PALB2: variants seen among roughly 807,000 people sequenced by gnomAD.
The protein encoded by PALB2 is mutant partner and localizer of BRCA2.
A neutral mutation model predicts 107.4 loss-of-function variants in PALB2; 82 were observed. That is an observed-to-expected ratio of 0.76 (90% CI 0.64 to 0.92). The LOEUF (loss-of-function observed/expected upper bound fraction) is 0.92, where lower values mean the gene tolerates loss of function less well. Ranked by LOEUF, PALB2 falls within the 40% of genes least tolerant of loss-of-function variation. The probability of loss-of-function intolerance (pLI) is 0.00; values close to 1 mark genes in which losing one functional copy is unlikely to be tolerated. For missense variants in PALB2, 1,374 were observed against 1,379.9 expected, an observed-to-expected ratio of 1.00 and a Z score of 0.07; for synonymous variants, 489 against 496.8, an observed-to-expected ratio of 0.98 and a Z score of 0.21.
chr16:23,632,973 A>C (rs1966897884), intron 4 of PALB2, among the ~76,000 whole-genome samples: 1 of 152,160 alleles, frequency 6.6e-6, no homozygotes, highest in African/African-American at 2.4e-5. Flanking sequence ...GGGCACCTGT[A>C]ATCTCAGCTA....
At chr16:23,622,888 C>G (rs1966796535) in intron 9 of PALB2, 81 bp downstream of exon 9, 1 of 1,537,740 alleles carries the variant, frequency 6.5e-7, no homozygotes, top group African/African-American at 1.4e-5. Context: ...AAACGAGATC[C>G]TAGTTACCCA....
chr16:23,622,418 T>C (rs1017313787), intron 9 of PALB2, among the ~76,000 whole-genome samples: 6 of 152,068 alleles, frequency 3.9e-5, no homozygotes, highest in African/African-American at 1.4e-4. Context: ...TGTTTAAGAT[T>C]AGGTCTCGCT....
intron 11 of PALB2, among the ~76,000 whole-genome samples, chr16:23,608,887 G>A (rs1864411065): frequency 6.6e-6 from 1 of 151,024 alleles, no homozygotes; most frequent in Non-Finnish European, 1.5e-5. Context: ...GAGTGCAATG[G>A]TGCGATCTCA....
intron 1 of PALB2, chr16:23,640,711 G>A (rs1269770181): frequency 1.1e-5 from 3 of 262,196 alleles, no homozygotes; most frequent in Non-Finnish European, 2.2e-5. Flanking sequence ...TTCCTTTTTG[G>A]TGGTTAGGGA....
intron 11 of PALB2, among the ~76,000 whole-genome samples, chr16:23,610,022 A>C (rs929272304): frequency 6.6e-6 from 1 of 152,174 alleles, no homozygotes; most frequent in African/African-American, 2.4e-5. Context: ...AATGTTTTTC[A>C]GATTTTGAAA....
chr16:23,608,590 T>C (rs1450792542), intron 11 of PALB2, among the ~76,000 whole-genome samples: 2 of 152,068 alleles, frequency 1.3e-5, no homozygotes, highest in African/African-American at 4.8e-5. Flanking sequence ...TGTTTTCCCA[T>C]AAAAACAATC....
rs537258442 is a variant in PALB2, at chr16:23,635,230, C to A, written c.1316G>T (p.Gly439Val). ...TGCATCCTTATTTTTATTTTTAAAC[C>A]CTTTTTTCTTGACATCCAAATGACT... ...IQSHLDVKKK[G>V]FKNKNKDASK... The change falls in exon 4 of 13, where the codon GGG becomes GTG. Residue 439 changes from glycine (G) to valine (V), a missense_variant. Transcript: ENST00000261584. 1.1e-5 allele frequency: 17 copies of A among 1,614,048 alleles called. No homozygotes were observed. In the African/African-American group the frequency reaches 1.7e-4, roughly 16 times the overall value.
chr16:23,618,137 A>G (rs1254766692), intron 10 of PALB2, among the ~76,000 whole-genome samples: 2 of 151,978 alleles, frequency 1.3e-5, no homozygotes, highest in Non-Finnish European at 1.5e-5. Context: ...CATCTCTACA[A>G]AAAATTTAAA....
intron 10 of PALB2, 139 bp from the exon 11 acceptor site, chr16:23,614,230 A>G: frequency 3.0e-6 from 2 of 656,094 alleles, no homozygotes; most frequent in Non-Finnish European, 5.4e-6. Flanking sequence ...CTTTAGTCAT[A>G]GATTTAGGTA....
At chr16:23,614,994 G>A (rs555949916) in intron 10 of PALB2, among the ~76,000 whole-genome samples, 1 of 134,862 alleles carries the variant, frequency 7.4e-6, no homozygotes, top group African/African-American at 2.8e-5. Context: ...CTGTCACCCA[G>A]GCTGAGTGCA....
At chr16:23,611,078 G>GTCTGTCTATCTATCTATCTA (rs374181299) in intron 11 of PALB2, among the ~76,000 whole-genome samples, 23 of 148,202 alleles carry the variant, frequency 1.6e-4, no homozygotes, top group Non-Finnish European at 2.6e-4. Flanking sequence ...TCAACTGTCA[G>GTCTGTCTATCTATCTATCTA]TCTATCTATC....
At chr16:23,633,309 T>G (rs1187677101) in intron 4 of PALB2, among the ~76,000 whole-genome samples, 1 of 152,180 alleles carries the variant, frequency 6.6e-6, no homozygotes, top group African/African-American at 2.4e-5. Flanking sequence ...TGTTTTTTTG[T>G]TTTAGGAACT....
chr16:23,631,347 T>C (rs1878775969), intron 4 of PALB2, among the ~76,000 whole-genome samples: 1 of 147,450 alleles, frequency 6.8e-6, no homozygotes, highest in Non-Finnish European at 1.5e-5. Flanking sequence ...TGCGTGCCTG[T>C]GATCTCAGCT....
At position 23,635,962 on chromosome 16, in the gene PALB2, A is replaced by C. The variant is rs587782260; in HGVS notation, c.584T>G (p.Ile195Arg). Reference sequence around the variant, plus strand: ...TTTAAGACTTAAAAGGTGAGTTCTTATTTCAGTTACTGGTGATCTAGCAGG... The same window carrying C: ...TTTAAGACTTAAAAGGTGAGTTCTTCTTTCAGTTACTGGTGATCTAGCAGG... ...KNPARSPVTEIRTHLLSLKSE... is the reference protein window; with the variant it reads ...KNPARSPVTERRTHLLSLKSE... The change falls in exon 4 of 13, where the codon ATA becomes AGA. Residue 195 changes from isoleucine to arginine, a missense_variant. Transcript: ENST00000261584. 6.2e-7 allele frequency: 1 copy of C among 1,614,076 alleles called. No individual in the cohort carries two copies. Among genetic ancestry groups the C allele is most frequent in the Non-Finnish European group, 8.5e-7 (1 of 1,180,008 alleles).
At chr16:23,611,125 AATCT>A (rs1029958388) in intron 11 of PALB2, among the ~76,000 whole-genome samples, 1 of 117,486 alleles carries the variant, frequency 8.5e-6, no homozygotes, top group Admixed American at 8.2e-5. Flanking sequence ...TCTATCTATC[AATCT>A]ATCTATTCGT....
intron 7 of PALB2, 73 bp downstream of exon 7, chr16:23,626,163 T>C: frequency 6.4e-7 from 1 of 1,561,762 alleles, no homozygotes; most frequent in East Asian, 2.2e-5. Context: ...GCTCCCAATT[T>C]TGGTAAGCTG....
At chr16:23,614,164 C>T in intron 10 of PALB2, 73 bp from the exon 11 acceptor site, 1 of 1,086,706 alleles carries the variant, frequency 9.2e-7, no homozygotes. Context: ...TTTTCTTATT[C>T]ATCATAGCAT....
At position 23,622,970 on chromosome 16, in the gene PALB2, C is replaced by T. The variant is rs1269970394; in HGVS notation, c.2995G>A (p.Gly999Arg). The T allele has an allele frequency of 1.2e-6, 2 of 1,614,030 alleles. No individual in the cohort carries two copies. Among genetic ancestry groups the T allele is most frequent in the East Asian group, 2.2e-5 (1 of 44,892 alleles). The change falls in exon 9 of 13, where the codon GGA (glycine) becomes AGA (arginine). Residue 999 changes from glycine (G) to arginine (R), a missense_variant and splice_region_variant. Physicochemically the swap from Gly to Arg is moderately radical, Grantham distance 125. Transcript: ENST00000261584. ...AAAATCAATCAATGCTTTTCTTACC[C>T]TCCATCTTCTGCAAACGTCATGACT... is the stretch of plus-strand genomic sequence containing the variant. ...VEVMTFAEDG[G>R]GKENQFLMPP... is the part of the protein sequence containing the mutation.
Position 23,634,844 on chromosome 16 carries a change from A to C in PALB2, c.1684+18T>G, listed in dbSNP as rs761863637. The stretch of plus-strand genomic sequence containing the variant: ...TTTCATCATCATCATCATCATCATC[A>C]AACACATCTTGATTTACCTTTCACT... On this transcript the variant is annotated intron_variant, in intron 4 of 12. Coordinates refer to ENST00000261584, the MANE Select transcript of PALB2 (RefSeq NM_024675.4). 6.2e-7 allele frequency: 1 copy of C among 1,606,952 alleles called. No individual in the cohort carries two copies. The highest frequency in any genetic ancestry group is 1.1e-5 in the South Asian group (1 of 90,292).
Sources: allele counts gnomAD v4.1 joint callset (sites outside exome capture counted in the v4.1 genomes callset), GRCh38; gene constraint gnomAD v4.1.1; transcripts MANE v1.5; gene names NCBI Gene and HGNC (gene_info 2026-07-23, HGNC 2026-07-21).